Variants in TAFA2 observed in about 807,000 individuals in gnomAD.
TAFA2 encodes chemokine-like protein TAFA-2.
In TAFA2, 7 loss-of-function variants were observed where a neutral mutation model predicts 18.8. That is an observed-to-expected ratio of 0.37 (90% CI 0.21 to 0.70). The LOEUF is 0.70. TAFA2 is among the 30% of genes least tolerant of loss of function. The pLI is 0.53. For missense variants in TAFA2, 122 were observed against 158.1 expected (o/e 0.77, Z 1.23); for synonymous variants, 60 against 54.2 (o/e 1.11, Z -0.47).
chr12:62,160,328 A>T (rs2062398441), intron 1 of TAFA2, among the ~76,000 whole-genome samples: 1 of 152,216 alleles, frequency 6.6e-6, no homozygotes, highest in Admixed American at 6.5e-5. Flanking sequence ...ACAAAGGTCC[A>T]ATGTTACCTC....
chr12:62,041,446 A>T (rs1223563395), intron 1 of TAFA2, among the ~76,000 whole-genome samples: 1 of 152,198 alleles, frequency 6.6e-6, no homozygotes, highest in East Asian at 1.9e-4. Flanking sequence ...AAAGCTTTGT[A>T]ACTTTACAGA....
intron 1 of TAFA2, among the ~76,000 whole-genome samples, chr12:62,107,758 T>C (rs952135765): frequency 6.6e-6 from 1 of 152,174 alleles, no homozygotes; most frequent in Non-Finnish European, 1.5e-5. Context: ...TTACTTTTAG[T>C]TTAAAATCTC....
intron 1 of TAFA2, among the ~76,000 whole-genome samples, chr12:62,039,115 G>A (rs1881690339): frequency 6.6e-6 from 1 of 152,126 alleles, no homozygotes; most frequent in African/African-American, 2.4e-5. Flanking sequence ...CGTCAGTGCA[G>A]GGAAAATGCA....
Position 61,824,941 on chromosome 12 carries a change from T to C in TAFA2, c.106+42379A>G, listed in dbSNP as rs148504228. Among the ~76,000 whole-genome samples, 961 of 152,290 alleles carry C rather than the reference T, an allele frequency of 6.3e-3. 10 individuals are homozygous for C. Among genetic ancestry groups the C allele is most frequent in the African/African-American group, 0.022 (900 of 41,578 alleles). On this transcript the variant is annotated intron_variant, in intron 2 of 4. Coordinates refer to ENST00000416284, the MANE Select transcript of TAFA2 (RefSeq NM_178539.5). ...TCAGAACAGAAGAAAATAAATGCAA[T>C]GCATCAAAGTGAAATTGCCTATATG... is the stretch of plus-strand genomic sequence containing the variant.
chr12:62,005,292 C>G (rs985998031), intron 1 of TAFA2, among the ~76,000 whole-genome samples: 1 of 151,868 alleles, frequency 6.6e-6, no homozygotes, highest in Non-Finnish European at 1.5e-5. Context: ...ATGCAATATA[C>G]CATATATATA....
intron 1 of TAFA2, among the ~76,000 whole-genome samples, chr12:62,053,458 T>C (rs1231207715): frequency 1.3e-5 from 2 of 152,226 alleles, no homozygotes; most frequent in Non-Finnish European, 2.9e-5. Flanking sequence ...AATTGTTATA[T>C]GAATATAATA....
chr12:61,941,341 A>T (rs940288704), intron 1 of TAFA2, among the ~76,000 whole-genome samples: 1 of 152,236 alleles, frequency 6.6e-6, no homozygotes. Context: ...TAGAAAATTT[A>T]AAATTACACA....
intron 1 of TAFA2, among the ~76,000 whole-genome samples, chr12:61,983,214 C>G (rs1879698254): frequency 6.6e-6 from 1 of 152,088 alleles, no homozygotes. Flanking sequence ...CTCCATAAAT[C>G]CACTCTCTCA....
At chr12:61,939,539 C>G (rs1877911019) in intron 1 of TAFA2, among the ~76,000 whole-genome samples, 1 of 152,130 alleles carries the variant, frequency 6.6e-6, no homozygotes, top group South Asian at 2.1e-4. Flanking sequence ...CAGTTCTACC[C>G]TTAACTACTT....
chr12:62,081,817 T>C (rs144255481), intron 1 of TAFA2, among the ~76,000 whole-genome samples: 1 of 152,066 alleles, frequency 6.6e-6, no homozygotes, highest in African/African-American at 2.4e-5. Flanking sequence ...CAGGAGTACA[T>C]GTGCAGGATG....
At chr12:62,247,830 G>T (rs1181920061) in intron 1 of TAFA2, among the ~76,000 whole-genome samples, 9 of 151,614 alleles carry the variant, frequency 5.9e-5, no homozygotes, top group African/African-American at 2.2e-4. Context: ...CCTTTATTTT[G>T]AGTGTTTTTA....
rs543322063 is a variant in TAFA2, at chr12:61,803,552, AAT to A, written c.107-48530_107-48529del. 1.2e-3 allele frequency among the ~76,000 whole-genome samples: 181 copies of A among 152,088 alleles called. 1 individual carries two copies. Among genetic ancestry groups the A allele is most frequent in the African/African-American group, 4.2e-3 (173 of 41,542 alleles). On this transcript the variant is annotated intron_variant, in intron 2 of 4. Coordinates refer to ENST00000416284, the MANE Select transcript of TAFA2 (RefSeq NM_178539.5). Reference sequence around the variant, plus strand: ...ATAATTGTACAGCTTATGGATTAAAAATAGTCTAAATCCCCCTTTAGCATATA... The same window carrying A: ...ATAATTGTACAGCTTATGGATTAAAAAGTCTAAATCCCCCTTTAGCATATA...
At chr12:61,803,509 G>C (rs1871480079) in intron 2 of TAFA2, among the ~76,000 whole-genome samples, 1 of 151,750 alleles carries the variant, frequency 6.6e-6, no homozygotes, top group Non-Finnish European at 1.5e-5. Flanking sequence ...CTATGATTAA[G>C]AGCAATATAC....
intron 1 of TAFA2, among the ~76,000 whole-genome samples, chr12:62,110,008 A>G (rs183088197): frequency 2.6e-4 from 39 of 152,278 alleles, no homozygotes; most frequent in Admixed American, 1.5e-3. Context: ...AGAACTTCTA[A>G]TACTATGTTG....
intron 1 of TAFA2, among the ~76,000 whole-genome samples, chr12:61,940,140 G>A (rs1460281669): frequency 6.6e-6 from 1 of 152,160 alleles, no homozygotes; most frequent in Non-Finnish European, 1.5e-5. Flanking sequence ...TTATAGTATG[G>A]GAAGATAGAT....
chr12:62,241,421 C>A (rs2136989885), intron 1 of TAFA2, among the ~76,000 whole-genome samples: 1 of 152,318 alleles, frequency 6.6e-6, no homozygotes, highest in Admixed American at 6.5e-5. Flanking sequence ...TGACCTCAAC[C>A]TGAGTGGACT....
chr12:61,792,604 T>C (rs532392913), intron 2 of TAFA2, among the ~76,000 whole-genome samples: 5 of 149,564 alleles, frequency 3.3e-5, no homozygotes, highest in African/African-American at 1.2e-4. Flanking sequence ...AAACATACCA[T>C]GCAAACACTA....
intron 2 of TAFA2, among the ~76,000 whole-genome samples, chr12:61,790,362 G>C (rs1870924545): frequency 6.6e-6 from 1 of 151,790 alleles, no homozygotes; most frequent in African/African-American, 2.4e-5. Context: ...GGAAGTCCTA[G>C]CCAGAGTAAT....
intron 2 of TAFA2, among the ~76,000 whole-genome samples, chr12:61,843,182 T>G (rs1317189132): frequency 6.6e-6 from 1 of 152,048 alleles, no homozygotes; most frequent in Non-Finnish European, 1.5e-5. Context: ...AGGGCAATCA[T>G]GAAAAGTTAT....
Sources: gnomAD v4.1 joint callset for allele counts (sites outside exome capture counted in the v4.1 genomes callset) on GRCh38, gnomAD v4.1.1 for gene constraint, MANE v1.5 for transcripts, NCBI Gene and HGNC (gene_info 2026-07-23, HGNC 2026-07-21) for gene names.